The following GRM5 variants were observed in gnomAD, a reference collection of about 807,000 sequenced individuals.
GRM5 encodes the protein metabotropic glutamate receptor 5.
A neutral mutation model predicts 83.1 loss-of-function variants in GRM5; 19 were observed. That is an observed-to-expected ratio of 0.23 (90% confidence interval 0.16 to 0.34). GRM5 has a LOEUF of 0.34. Among genes scored for constraint, GRM5 ranks in the 10% least tolerant of loss-of-function variants. GRM5 has a pLI of 1.00. For synonymous variants in GRM5, 675 were observed against 633.6 expected, an observed-to-expected ratio of 1.07 and a Z score of -0.98; for missense variants, 1,160 against 1,588.3, an observed-to-expected ratio of 0.73 and a Z score of 4.58.
At chr11:88,619,022 A>C (rs929947245) in intron 4 of GRM5, among the ~76,000 whole-genome samples, 1 of 152,184 alleles carries the variant, frequency 6.6e-6, no homozygotes, top group Admixed American at 6.5e-5. Context: ...TACATCCTTG[A>C]GTTAGACCAC....
intron 3 of GRM5, among the ~76,000 whole-genome samples, chr11:88,702,490 G>GCTACT (rs1357793394): frequency 6.6e-6 from 1 of 152,012 alleles, no homozygotes; most frequent in Non-Finnish European, 1.5e-5. Flanking sequence ...AAGAAATTCA[G>GCTACT]CTACTCCTAA....
chr11:88,717,211 A>C (rs1011708120), intron 3 of GRM5, among the ~76,000 whole-genome samples: 2 of 151,920 alleles, frequency 1.3e-5, no homozygotes, highest in African/African-American at 4.8e-5. Context: ...ATGGCCATTG[A>C]GAATTACATG....
At chr11:88,790,232 T>A (rs2135473795) in intron 3 of GRM5, among the ~76,000 whole-genome samples, 1 of 152,312 alleles carries the variant, frequency 6.6e-6, no homozygotes, top group Non-Finnish European at 1.5e-5. Flanking sequence ...CATATTTTCT[T>A]CTATCTACCC....
At chr11:88,636,615 G>T (rs866665788) in intron 4 of GRM5, among the ~76,000 whole-genome samples, 2 of 152,090 alleles carry the variant, frequency 1.3e-5, no homozygotes, top group African/African-American at 2.4e-5. Context: ...AATATTATAT[G>T]TTAATACAAT....
chr11:89,036,298 A>G (rs1362014635), intron 2 of GRM5, among the ~76,000 whole-genome samples: 1 of 152,092 alleles, frequency 6.6e-6, no homozygotes, highest in Non-Finnish European at 1.5e-5. Flanking sequence ...TTTTCGTGCA[A>G]TTGCAAACTT....
At chr11:88,959,620 T>C (rs1356090249) in intron 2 of GRM5, among the ~76,000 whole-genome samples, 1 of 152,170 alleles carries the variant, frequency 6.6e-6, no homozygotes, top group Non-Finnish European at 1.5e-5. Context: ...TGAGATACTC[T>C]ATTTCAAGAA....
intron 3 of GRM5, among the ~76,000 whole-genome samples, chr11:88,826,388 A>G (rs2135514922): frequency 6.6e-6 from 1 of 151,954 alleles, no homozygotes; most frequent in South Asian, 2.1e-4. Context: ...AATAATTTTT[A>G]AAATAAAGGC....
In GRM5 at chr11:88,587,095, A is replaced by G. The variant is rs534662779; in HGVS notation, c.1690+3506T>C. On this transcript the variant is annotated intron_variant, in intron 7 of 9. Transcript: ENST00000305447. The stretch of plus-strand genomic sequence containing the variant: ...TGTTTAAGGGACAGCTATGTCCATG[A>G]GAGACTAACATTTCAGTAGGAGTGG... 6.8e-4 allele frequency among the ~76,000 whole-genome samples: 103 copies of G among 152,362 alleles called. 1 individual carries two copies. Among genetic ancestry groups the G allele is most frequent in the Middle Eastern group, 3.4e-3 (1 of 294 alleles).
intron 7 of GRM5, among the ~76,000 whole-genome samples, chr11:88,577,219 T>G (rs563063833): frequency 9.1e-4 from 138 of 152,252 alleles, no homozygotes; most frequent in African/African-American, 3.1e-3. Flanking sequence ...TTTTACCTCC[T>G]TTTTCTCTTT....
intron 2 of GRM5, among the ~76,000 whole-genome samples, chr11:88,942,127 T>C (rs1938134945): frequency 6.6e-6 from 1 of 151,962 alleles, no homozygotes; most frequent in African/African-American, 2.4e-5. Context: ...CTGGGGAAAT[T>C]TGTATGGCCT....
At chr11:88,699,495 A>T (rs1565191849) in intron 3 of GRM5, among the ~76,000 whole-genome samples, 1 of 152,166 alleles carries the variant, frequency 6.6e-6, no homozygotes, top group South Asian at 2.1e-4. Flanking sequence ...GACAACTCAC[A>T]GCTGAGTCTC....
At chr11:88,709,882 G>T (rs886084104) in intron 3 of GRM5, among the ~76,000 whole-genome samples, 1 of 152,118 alleles carries the variant, frequency 6.6e-6, no homozygotes. Flanking sequence ...AAACAACTGT[G>T]CCACTGGAGT....
chr11:88,585,720 C>T (rs1209497102), intron 7 of GRM5, among the ~76,000 whole-genome samples: 3 of 152,144 alleles, frequency 2.0e-5, no homozygotes, highest in Non-Finnish European at 4.4e-5. Flanking sequence ...TTCTGGCCTT[C>T]TCTGTTGTCA....
At chr11:88,609,202 T>G (rs1938249419) in intron 4 of GRM5, among the ~76,000 whole-genome samples, 1 of 152,216 alleles carries the variant, frequency 6.6e-6, no homozygotes, top group Admixed American at 6.5e-5. Flanking sequence ...TATGTCCATG[T>G]GTATTCAATG....
chr11:88,746,167 G>T (rs1220244497), intron 3 of GRM5, among the ~76,000 whole-genome samples: 2 of 151,852 alleles, frequency 1.3e-5, no homozygotes, highest in African/African-American at 2.4e-5. Context: ...TCTTTAACAC[G>T]GCCCAACAAA....
At chr11:88,715,909 G>A (rs959348396) in intron 3 of GRM5, among the ~76,000 whole-genome samples, 2 of 151,898 alleles carry the variant, frequency 1.3e-5, no homozygotes, top group Admixed American at 1.3e-4. Flanking sequence ...GTTTGGGTCT[G>A]GGAATTTCTA....
intron 3 of GRM5, among the ~76,000 whole-genome samples, chr11:88,744,843 C>CA (rs1942100701): frequency 6.6e-6 from 1 of 152,076 alleles, no homozygotes; most frequent in African/African-American, 2.4e-5. Context: ...AAACATTTGG[C>CA]AAACACTGAG....
At chr11:88,765,395 G>GAAAAA (rs58232495) in intron 3 of GRM5, among the ~76,000 whole-genome samples, 1 of 123,422 alleles carries the variant, frequency 8.1e-6, no homozygotes, top group African/African-American at 2.9e-5. Flanking sequence ...AAGACAATTT[G>GAAAAA]AAAAAAAAAA....
chr11:88,867,434 G>GT (rs1944690853), intron 2 of GRM5, among the ~76,000 whole-genome samples: 4 of 151,676 alleles, frequency 2.6e-5, no homozygotes, highest in African/African-American at 9.7e-5. Context: ...CCATACATAG[G>GT]CTGTTCAGTT....
Sources: gnomAD v4.1 joint callset for allele counts (sites outside exome capture counted in the v4.1 genomes callset) on GRCh38, gnomAD v4.1.1 for gene constraint, MANE v1.5 for transcripts, NCBI Gene and HGNC (gene_info 2026-07-23, HGNC 2026-07-21) for gene names.